GRIK1: variants seen among roughly 807,000 people sequenced by gnomAD.
GRIK1 encodes the protein glutamate ionotropic receptor kainate type subunit 1, also known as glutamate receptor ionotropic, kainate 1.
Under a neutral mutation model 105.7 loss-of-function variants are expected in GRIK1, and 69 were observed. The observed-to-expected ratio is 0.65, with a 90% CI of 0.54 to 0.80. GRIK1 has a LOEUF of 0.80. Among genes scored for constraint, GRIK1 ranks in the 30% least tolerant of loss-of-function variants. GRIK1 has a pLI of 0.00. For synonymous variants in GRIK1, 438 were observed against 431.3 expected, an observed-to-expected ratio of 1.02 and a Z score of -0.19; for missense variants, 1,109 against 1,167.3, an observed-to-expected ratio of 0.95 and a Z score of 0.73.
At chr21:29,897,612 G>C (rs376657385) in intron 1 of GRIK1, among the ~76,000 whole-genome samples, 57 of 152,294 alleles carry the variant, frequency 3.7e-4, no homozygotes, top group African/African-American at 1.3e-3. Flanking sequence ...AAAAGCTGCA[G>C]AAGTAATTTG....
At chr21:29,650,522 G>A (rs2062709809) in intron 6 of GRIK1, among the ~76,000 whole-genome samples, 1 of 152,214 alleles carries the variant, frequency 6.6e-6, no homozygotes. Context: ...GCTCTCTGAT[G>A]AGGCAGTTCG....
chr21:29,554,483 TAA>T (rs1209439049), intron 16 of GRIK1, among the ~76,000 whole-genome samples: 1 of 152,116 alleles, frequency 6.6e-6, no homozygotes, highest in Non-Finnish European at 1.5e-5. Flanking sequence ...TTTAGAAAAA[TAA>T]AGTCTCATAT....
intron 1 of GRIK1, among the ~76,000 whole-genome samples, chr21:29,807,063 C>T (rs139243152): frequency 0.01 from 1,527 of 152,294 alleles, 16 homozygotes; most frequent in Admixed American, 0.025. Context: ...AGCCTTCCGG[C>T]TCTTGAGGGC....
At chr21:29,844,646 TA>T (rs2146017655) in intron 1 of GRIK1, among the ~76,000 whole-genome samples, 1 of 152,346 alleles carries the variant, frequency 6.6e-6, no homozygotes, top group East Asian at 1.9e-4. Flanking sequence ...AACTTTAGAC[TA>T]TATTCCTGGA....
At chr21:29,879,146 T>C (rs2069303322) in intron 1 of GRIK1, among the ~76,000 whole-genome samples, 1 of 152,056 alleles carries the variant, frequency 6.6e-6, no homozygotes, top group African/African-American at 2.4e-5. Flanking sequence ...TTAGGCAGCA[T>C]AGAAGAAGGA....
intron 1 of GRIK1, among the ~76,000 whole-genome samples, chr21:29,816,739 A>T (rs987551129): frequency 2.0e-5 from 3 of 152,216 alleles, no homozygotes; most frequent in Middle Eastern, 3.4e-3. Flanking sequence ...GAGCTAAGAA[A>T]GTCAATCCCA....
intron 7 of GRIK1, among the ~76,000 whole-genome samples, chr21:29,638,153 A>AT (rs138627896): frequency 0.074 from 11,150 of 150,282 alleles, 1,387 homozygotes; most frequent in African/African-American, 0.26. Flanking sequence ...CATGGTAGAC[A>AT]TTTTTTTTTT....
At chr21:29,716,279 C>G (rs1180861894) in intron 1 of GRIK1, among the ~76,000 whole-genome samples, 3 of 152,120 alleles carry the variant, frequency 2.0e-5, no homozygotes, top group Non-Finnish European at 4.4e-5. Context: ...TAAACTTGTA[C>G]TGGCACAGTG....
At chr21:29,542,197 A>G (rs1441368825) in intron 16 of GRIK1, among the ~76,000 whole-genome samples, 1 of 152,012 alleles carries the variant, frequency 6.6e-6, no homozygotes. Context: ...TTATTTCTCT[A>G]CTCTGATCCC....
At chr21:29,734,592 T>C (rs2064737979) in intron 1 of GRIK1, among the ~76,000 whole-genome samples, 1 of 151,696 alleles carries the variant, frequency 6.6e-6, no homozygotes, top group African/African-American at 2.4e-5. Context: ...AGGGATAGGG[T>C]TTCACCATGT....
At chr21:29,775,334 A>C (rs978944342) in intron 1 of GRIK1, among the ~76,000 whole-genome samples, 3 of 151,988 alleles carry the variant, frequency 2.0e-5, no homozygotes, top group African/African-American at 7.3e-5. Context: ...AGATGGCCTT[A>C]AACCATTGAA....
intron 1 of GRIK1, among the ~76,000 whole-genome samples, chr21:29,733,621 G>C (rs77275420): frequency 1.3e-5 from 2 of 151,960 alleles, no homozygotes; most frequent in East Asian, 3.9e-4. Context: ...ACTTGACATG[G>C]TGCACTTTTA....
At chr21:29,848,779 A>ATATTTTTTTTTTTTTTTTT in intron 1 of GRIK1, among the ~76,000 whole-genome samples, 2 of 77,866 alleles carry the variant, frequency 2.6e-5, no homozygotes, top group African/African-American at 1.2e-4. Context: ...ATATATATAT[A>ATATTTTTTTTTTTTTTTTT]TTTTTTTTTT....
chr21:29,649,075 C>T (rs1337810851), intron 6 of GRIK1, among the ~76,000 whole-genome samples: 2 of 152,152 alleles, frequency 1.3e-5, no homozygotes, highest in Non-Finnish European at 2.9e-5. Context: ...CTTTCGTGCC[C>T]TTCAATGCCC....
rs887144454 is a variant in GRIK1, at chr21:29,549,347, GA to G, written c.2607+5704del. 9.9e-5 allele frequency among the ~76,000 whole-genome samples: 15 copies of G among 151,888 alleles called. No homozygotes were observed. The Middle Eastern group carries it at 0.017, about 172-fold the overall frequency. Reference sequence around the variant, plus strand: ...TGCAACTACCGTTAGGATTGTTGGGGAAAAAAATGTAAGAAAAGCTATTTAA... The same window carrying G: ...TGCAACTACCGTTAGGATTGTTGGGGAAAAAATGTAAGAAAAGCTATTTAA... On this transcript the variant is annotated intron_variant, in intron 16 of 17. Coordinates refer to ENST00000327783, the MANE Select transcript of GRIK1 (RefSeq NM_001330994.2).
intron 1 of GRIK1, among the ~76,000 whole-genome samples, chr21:29,850,595 G>A (rs1221509578): frequency 3.9e-5 from 6 of 152,164 alleles, no homozygotes; most frequent in Non-Finnish European, 8.8e-5. Context: ...GGTTATTGAT[G>A]GAAGTAATTT....
At chr21:29,625,100 C>T (rs2062093867) in intron 7 of GRIK1, among the ~76,000 whole-genome samples, 1 of 152,182 alleles carries the variant, frequency 6.6e-6, no homozygotes, top group South Asian at 2.1e-4. Context: ...TTAATATCTT[C>T]CGTACTGTGG....
intron 1 of GRIK1, among the ~76,000 whole-genome samples, chr21:29,804,470 C>G (rs112704480): frequency 6.6e-6 from 1 of 151,880 alleles, no homozygotes; most frequent in Admixed American, 6.6e-5. Flanking sequence ...GAAGACAAAA[C>G]GCTAAACTTG....
At chr21:29,861,524 T>C (rs2068636791) in intron 1 of GRIK1, among the ~76,000 whole-genome samples, 1 of 151,916 alleles carries the variant, frequency 6.6e-6, no homozygotes, top group South Asian at 2.1e-4. Flanking sequence ...CCCAGGCTGG[T>C]CTCAAACTCC....
Sources: allele counts gnomAD v4.1 joint callset (sites outside exome capture counted in the v4.1 genomes callset), GRCh38; gene constraint gnomAD v4.1.1; transcripts MANE v1.5; gene names NCBI Gene and HGNC (gene_info 2026-07-23, HGNC 2026-07-21).